Variants in EEPD1 observed in about 807,000 individuals in gnomAD.
EEPD1 encodes endonuclease/exonuclease/phosphatase family domain containing 1, also known as endonuclease/exonuclease/phosphatase family domain-containing protein 1.
A neutral mutation model predicts 46.3 loss-of-function variants in EEPD1; 17 were observed. That is an observed-to-expected ratio of 0.37 (90% CI 0.25 to 0.55). EEPD1 has a LOEUF of 0.55. EEPD1 is among the 20% of genes least tolerant of loss of function. The probability of loss-of-function intolerance (pLI) is 0.83; values close to 1 mark genes in which losing one functional copy is unlikely to be tolerated. For synonymous variants in EEPD1, 313 were observed against 315.6 expected, an observed-to-expected ratio of 0.99 and a Z score of 0.09; for missense variants, 673 against 745.6, an observed-to-expected ratio of 0.90 and a Z score of 1.13.
intron 6 of EEPD1, among the ~76,000 whole-genome samples, chr7:36,290,214 C>T (rs1018695706): frequency 3.3e-5 from 5 of 152,150 alleles, no homozygotes; most frequent in Non-Finnish European, 7.4e-5. Flanking sequence ...AGGCAGTCAC[C>T]ATCCCCCCAC....
intron 2 of EEPD1, among the ~76,000 whole-genome samples, chr7:36,205,286 T>C (rs1012914061): frequency 6.6e-6 from 1 of 152,232 alleles, no homozygotes; most frequent in South Asian, 2.1e-4. Context: ...TTCTGTATTA[T>C]TGGGTTTTTC....
intron 2 of EEPD1, among the ~76,000 whole-genome samples, chr7:36,182,307 ATATTTGTGTT>A (rs1331517582): frequency 6.6e-6 from 1 of 152,202 alleles, no homozygotes; most frequent in African/African-American, 2.4e-5. Flanking sequence ...GTAAGAATAT[ATATTTGTGTT>A]TATTTGTAAA....
intron 2 of EEPD1, among the ~76,000 whole-genome samples, chr7:36,232,174 GTT>G (rs66528116): frequency 1.4e-5 from 2 of 140,898 alleles, no homozygotes. Flanking sequence ...TATGTTGCTG[GTT>G]TTTTTTTTTT....
At chr7:36,175,426 C>T (rs1344376801) in intron 2 of EEPD1, among the ~76,000 whole-genome samples, 2 of 152,088 alleles carry the variant, frequency 1.3e-5, no homozygotes, top group Non-Finnish European at 2.9e-5. Flanking sequence ...GAGATGAGGT[C>T]TCACCATGTT....
At chr7:36,265,081 C>T (rs114899413) in intron 3 of EEPD1, among the ~76,000 whole-genome samples, 4,475 of 152,256 alleles carry the variant, frequency 0.029, 223 homozygotes, top group African/African-American at 0.1. Context: ...TTATTGCCAC[C>T]GCAGAGCAGA....
At chr7:36,201,422 A>T (rs1583805694) in intron 2 of EEPD1, among the ~76,000 whole-genome samples, 1 of 152,330 alleles carries the variant, frequency 6.6e-6, no homozygotes, top group East Asian at 1.9e-4. Context: ...GCACCAGGGC[A>T]TGGAGAAAAG....
chr7:36,219,719 A>T (rs894649893), intron 2 of EEPD1, among the ~76,000 whole-genome samples: 3 of 150,268 alleles, frequency 2.0e-5, no homozygotes, highest in Non-Finnish European at 4.4e-5. Context: ...AAACAGCCCA[A>T]TCCCCTAATT....
chr7:36,271,559 T>C (rs1054890282), intron 3 of EEPD1, among the ~76,000 whole-genome samples: 22 of 152,156 alleles, frequency 1.4e-4, no homozygotes, highest in African/African-American at 4.3e-4. Flanking sequence ...ATTCTGTAGG[T>C]TGCCTGTTCA....
intron 2 of EEPD1, among the ~76,000 whole-genome samples, chr7:36,182,968 C>T (rs531000831): frequency 3.3e-4 from 50 of 152,302 alleles, no homozygotes; most frequent in African/African-American, 1.1e-3. Flanking sequence ...TTGTGGAAAG[C>T]AGTAGCCATG....
At chr7:36,250,308 C>A (rs180856932) in intron 3 of EEPD1, among the ~76,000 whole-genome samples, 94 of 152,228 alleles carry the variant, frequency 6.2e-4, no homozygotes, top group African/African-American at 2.0e-3. Flanking sequence ...CTGGACTGAA[C>A]TTTTTAAGAT....
intron 2 of EEPD1, among the ~76,000 whole-genome samples, chr7:36,203,773 C>T (rs1785760999): frequency 6.6e-6 from 1 of 152,146 alleles, no homozygotes; most frequent in Non-Finnish European, 1.5e-5. Context: ...AGTTTATTTA[C>T]TGTTAAAATT....
chr7:36,295,156 G>A (rs1452108452), intron 6 of EEPD1, among the ~76,000 whole-genome samples: 6 of 149,002 alleles, frequency 4.0e-5, no homozygotes, highest in African/African-American at 1.2e-4. Flanking sequence ...CAGCCTGGGT[G>A]ACACAGCAAG....
At chr7:36,226,092 A>G (rs1469030120) in intron 2 of EEPD1, among the ~76,000 whole-genome samples, 3 of 152,350 alleles carry the variant, frequency 2.0e-5, no homozygotes, top group East Asian at 3.9e-4. Flanking sequence ...ACAATAAACT[A>G]TGTAATGGAA....
chr7:36,277,903 A>G (rs941562753), intron 3 of EEPD1, among the ~76,000 whole-genome samples: 1 of 152,184 alleles, frequency 6.6e-6, no homozygotes, highest in African/African-American at 2.4e-5. Flanking sequence ...ATGGCCCTTA[A>G]GGGTCAGGGA....
intron 2 of EEPD1, among the ~76,000 whole-genome samples, chr7:36,227,940 A>G (rs1332318378): frequency 6.6e-6 from 1 of 152,132 alleles, no homozygotes; most frequent in African/African-American, 2.4e-5. Flanking sequence ...CGCACACCTC[A>G]GCCTCCCAAA....
intron 2 of EEPD1, among the ~76,000 whole-genome samples, chr7:36,176,521 C>A (rs534567709): frequency 6.6e-6 from 1 of 152,194 alleles, no homozygotes; most frequent in African/African-American, 2.4e-5. Flanking sequence ...GCTATGATAG[C>A]TGTGAACATG....
rs139837122 is a variant in EEPD1, at chr7:36,154,642, A to G, written c.318A>G (p.Ser106=). 444 of 1,613,984 alleles carry G rather than the reference A, an allele frequency of 2.8e-4. 1 individual carries two copies. The highest frequency in any genetic ancestry group is 3.4e-4 in the Non-Finnish European group (406 of 1,180,000). Residue 106 remains serine (S), a synonymous_variant, in exon 2 of 8, where the codon TCA becomes TCG. Coordinates refer to ENST00000242108, the MANE Select transcript of EEPD1 (RefSeq NM_030636.3). The surrounding 1 kb of genome is among the most constrained non-coding windows in gnomAD (Gnocchi z 4.2). ...FEICVSSKGS[S]AQHSPSSLRR... ...TCTGTGTGAGCAGCAAGGGCAGCTC[A>G]GCGCAGCACTCTCCCAGTTCCCTGC... is the stretch of plus-strand genomic sequence containing the variant.
At chr7:36,283,987 T>TGGC (rs1787300848) in intron 4 of EEPD1, among the ~76,000 whole-genome samples, 2 of 152,324 alleles carry the variant, frequency 1.3e-5, no homozygotes, top group African/African-American at 4.8e-5. Flanking sequence ...AAGCCCCCAG[T>TGGC]GGCGGCGGCA....
intron 2 of EEPD1, among the ~76,000 whole-genome samples, chr7:36,196,682 G>A (rs1414692507): frequency 1.3e-5 from 2 of 152,224 alleles, no homozygotes; most frequent in Non-Finnish European, 2.9e-5. Context: ...CCGAAGTGCC[G>A]GGATTGCAGA....
Sources: gnomAD v4.1 joint callset for allele counts (sites outside exome capture counted in the v4.1 genomes callset) on GRCh38, gnomAD v4.1.1 for gene constraint, Gnocchi (gnomAD v3.1) non-coding constraint, MANE v1.5 for transcripts, NCBI Gene and HGNC (gene_info 2026-07-23, HGNC 2026-07-21) for gene names.